The following SNTN variants were observed in gnomAD, a reference collection of about 807,000 sequenced individuals.
SNTN encodes the protein sentan, cilia apical structure protein.
SNTN carries 13 observed loss-of-function variants against 12.3 expected under a neutral mutation model. The ratio of observed to expected loss-of-function variants is 1.05; its 90% CI spans 0.69 to 1.67. The LOEUF is 1.67. Ranked by LOEUF, SNTN falls within the 40% of genes most tolerant of loss-of-function variation. The pLI, the probability that SNTN is intolerant of heterozygous loss-of-function variation, is 0.00. For missense variants in SNTN, 189 were observed against 169.8 expected (o/e 1.11, Z -0.63); for synonymous variants, 69 against 58.5 (o/e 1.18, Z -0.82).
At chr3:63,659,383 C>T (rs1379711189) in intron 2 of SNTN, among the ~76,000 whole-genome samples, 3 of 152,140 alleles carry the variant, frequency 2.0e-5, no homozygotes, top group East Asian at 1.9e-4. Flanking sequence ...GACTGAGCCT[C>T]GTCCATAGTA....
intron 2 of SNTN, among the ~76,000 whole-genome samples, chr3:63,659,145 G>A (rs986031999): frequency 3.3e-5 from 5 of 152,186 alleles, no homozygotes; most frequent in Admixed American, 1.3e-4. Context: ...GGAAAGAAAC[G>A]AATTAGCATT....
chr3:63,662,628 T>C (rs1305769601), intron 3 of SNTN, among the ~76,000 whole-genome samples: 5 of 152,150 alleles, frequency 3.3e-5, no homozygotes, highest in Admixed American at 2.6e-4. Flanking sequence ...CCTTTCTAAA[T>C]AACACTCAGC....
intron 2 of SNTN, among the ~76,000 whole-genome samples, chr3:63,658,415 T>C (rs1467412209): frequency 6.7e-6 from 1 of 148,870 alleles, no homozygotes; most frequent in Non-Finnish European, 1.5e-5. Flanking sequence ...TATATATATA[T>C]ATATATATAT....
At chr3:63,654,830 T>A (rs750020509) in intron 2 of SNTN, 34 bp downstream of exon 2, 16 of 1,603,200 alleles carry the variant, frequency 1.0e-5, no homozygotes, top group Non-Finnish European at 1.3e-5. Context: ...TACATTTTTC[T>A]CCTCTACCAA....
chr3:63,654,379 A>C (rs1433578566), intron 1 of SNTN, among the ~76,000 whole-genome samples: 1 of 152,192 alleles, frequency 6.6e-6, no homozygotes, highest in African/African-American at 2.4e-5. Context: ...CGTGAGACAC[A>C]GGATGATCAG....
At position 63,657,527 on chromosome 3, in the gene SNTN, A is replaced by G. The variant is rs549543040; in HGVS notation, c.146-2198A>G. Reference sequence around the variant, plus strand: ...GAATATCATCAGTGTTATTAGAACAACCAGAGTTCCTCGTTATCTTTTATT... The same window carrying G: ...GAATATCATCAGTGTTATTAGAACAGCCAGAGTTCCTCGTTATCTTTTATT... On this transcript the variant is annotated intron_variant, in intron 2 of 3. Transcript: ENST00000343837. Among the ~76,000 whole-genome samples, 17 of 152,330 alleles carry G rather than the reference A, an allele frequency of 1.1e-4. 1 individual carries two copies. The South Asian group carries it at 3.5e-3, about 32-fold the overall frequency.
chr3:63,655,442 G>A (rs552005094), intron 2 of SNTN, among the ~76,000 whole-genome samples: 37 of 152,182 alleles, frequency 2.4e-4, no homozygotes, highest in African/African-American at 8.7e-4. Context: ...CTCTCCAAAA[G>A]AGACTCTGTA....
chr3:63,654,865 A>T, intron 2 of SNTN, 69 bp downstream of exon 2: 1 of 1,375,980 alleles, frequency 7.3e-7, no homozygotes, highest in Non-Finnish European at 1.0e-6. Context: ...TGTTAAAAAA[A>T]AATAATAGGA....
At position 63,664,146 on chromosome 3, in the gene SNTN, A is replaced by G. The variant is rs1700775971; in HGVS notation, c.*51A>G. ...TAATGGCAAAAGACAGTGTTATTAA[A>G]ATGTTTCCATCTTATTTTTGATTAA... On this transcript the variant is annotated 3_prime_UTR_variant, in exon 4 of 4. Coordinates refer to ENST00000343837, the MANE Select transcript of SNTN (RefSeq NM_001080537.2). The G allele has an allele frequency of 6.8e-7, 1 of 1,477,020 alleles. No individual in the cohort carries two copies. The allele number at this position is 1,477,020 out of a possible 1,614,324, so 91.5% of individuals were successfully genotyped here. A position where few individuals can be genotyped will look rare whatever the true frequency, so the allele number is the denominator to read the frequency against.
At chr3:63,659,230 C>T (rs1042712744) in intron 2 of SNTN, among the ~76,000 whole-genome samples, 2 of 152,110 alleles carry the variant, frequency 1.3e-5, no homozygotes, top group Non-Finnish European at 2.9e-5. Context: ...CAAAGAGAAC[C>T]CTTATTCATC....
At position 63,659,882 on chromosome 3, in the gene SNTN, C is replaced by G. The variant is rs1700725070; in HGVS notation, c.285+18C>G. 1 of 1,613,170 alleles carries G rather than the reference C, an allele frequency of 6.2e-7. No homozygotes were observed. The highest frequency in any genetic ancestry group is 8.5e-7 in the Non-Finnish European group (1 of 1,179,666). Reference sequence around the variant, plus strand: ...TCGCAGAGGTGAGAGAATTAACTTGCATAAAGAAACAGAAACTACACCCTC... The same window carrying G: ...TCGCAGAGGTGAGAGAATTAACTTGGATAAAGAAACAGAAACTACACCCTC... On this transcript the variant is annotated intron_variant, in intron 3 of 3. Transcript: ENST00000343837.
intron 3 of SNTN, among the ~76,000 whole-genome samples, chr3:63,661,683 T>C: frequency 6.6e-6 from 1 of 152,046 alleles, no homozygotes; most frequent in African/African-American, 2.4e-5. Flanking sequence ...AAGCTACTTT[T>C]TCAGGCAGAA....
Position 63,659,801 on chromosome 3 carries a change from T to G in SNTN, c.222T>G (p.Asp74Glu). Reference sequence around the variant, plus strand: ...TTTTCAGAAATTCTTCTGACTCTGATGGTAAACTTGAAAAAGCTATTGCCA... The same window carrying G: ...TTTTCAGAAATTCTTCTGACTCTGAGGGTAAACTTGAAAAAGCTATTGCCA... ...ALIFRNSSDS[D>E]GKLEKAIAKD... Residue 74 changes from aspartate to glutamate, a missense_variant, in exon 3 of 4, where the codon GAT (aspartate) becomes GAG (glutamate). Coordinates refer to ENST00000343837, the MANE Select transcript of SNTN (RefSeq NM_001080537.2). 6.2e-7 allele frequency: 1 copy of G among 1,614,056 alleles called. No homozygotes were observed. The highest frequency in any genetic ancestry group is 1.1e-5 in the South Asian group (1 of 91,080).
intron 1 of SNTN, 58 bp downstream of exon 1, chr3:63,652,855 CAA>C: frequency 6.6e-7 from 1 of 1,524,726 alleles, no homozygotes; most frequent in Non-Finnish European, 9.1e-7. Context: ...GATATATTTC[CAA>C]AGAGTTTATG....
chr3:63,657,589 A>G (rs1193575094), intron 2 of SNTN, among the ~76,000 whole-genome samples: 1 of 152,162 alleles, frequency 6.6e-6, no homozygotes. Flanking sequence ...CCATGGCCAT[A>G]TGCTATTTTA....
In SNTN at chr3:63,663,948, C is replaced by A; in HGVS notation, c.297C>A (p.Thr99=). ...CTCCATTCTCACAGGGACAAGAAAC[C>A]AAGCCAAAATACAGAGAGATCCTTT... ...QFRNFAEGQE[T]KPKYREILSE... is the part of the protein sequence containing the mutation. Residue 99 remains threonine, a synonymous_variant, in exon 4 of 4, where the codon ACC becomes ACA. Transcript: ENST00000343837. The A allele has an allele frequency of 1.2e-6, 2 of 1,610,264 alleles. No individual in the cohort carries two copies. Among genetic ancestry groups the A allele is most frequent in the Non-Finnish European group, 1.7e-6 (2 of 1,179,058 alleles).
intron 3 of SNTN, among the ~76,000 whole-genome samples, chr3:63,661,211 A>G (rs1302706286): frequency 6.6e-6 from 1 of 152,226 alleles, no homozygotes; most frequent in Non-Finnish European, 1.5e-5. Context: ...CATACTTTGG[A>G]AAATACCAGC....
intron 3 of SNTN, 165 bp from the exon 4 acceptor site, chr3:63,663,772 C>G (rs1379136057): frequency 3.6e-6 from 3 of 826,262 alleles, no homozygotes; most frequent in East Asian, 5.4e-5. Flanking sequence ...CTTGAACTTT[C>G]CAGCCATCAG....
chr3:63,658,720 C>T (rs564241476), intron 2 of SNTN, among the ~76,000 whole-genome samples: 7 of 152,148 alleles, frequency 4.6e-5, no homozygotes, highest in South Asian at 2.1e-4. Flanking sequence ...TGGTCTTGTC[C>T]GCTCTGTATT....
Sources: allele counts gnomAD v4.1 joint callset (sites outside exome capture counted in the v4.1 genomes callset), GRCh38; gene constraint gnomAD v4.1.1; transcripts MANE v1.5; gene names NCBI Gene and HGNC (gene_info 2026-07-23, HGNC 2026-07-21).